Variants in KLHL2 observed in about 807,000 individuals in gnomAD.
The protein encoded by KLHL2 is kelch like family member 2.
Under a neutral mutation model 75.8 loss-of-function variants are expected in KLHL2, and 15 were observed. That is an observed-to-expected ratio of 0.20 (90% CI 0.13 to 0.30). KLHL2 has a LOEUF of 0.30. KLHL2 is among the 10% of genes least tolerant of loss of function. The pLI is 1.00. For missense variants in KLHL2, 381 were observed against 741.0 expected (o/e 0.51, Z 5.64); for synonymous variants, 214 against 251.9 (o/e 0.85, Z 1.42).
At chr4:165,264,752 A>ATATATATATATATATATATATATATATG (rs1560784279) in intron 5 of KLHL2, among the ~76,000 whole-genome samples, 16 of 83,626 alleles carry the variant, frequency 1.9e-4, no homozygotes, top group Non-Finnish European at 3.8e-4. Context: ...ATATATATAT[A>ATATATATATATATATATATATATATATG]TATATATATA....
At chr4:165,262,022 C>T (rs1579066208) in intron 4 of KLHL2, among the ~76,000 whole-genome samples, 1 of 151,978 alleles carries the variant, frequency 6.6e-6, no homozygotes, top group Non-Finnish European at 1.5e-5. Context: ...CACCAGAATT[C>T]GATAACCTTT....
chr4:165,299,674 T>A lies in KLHL2; in HGVS notation c.921+18T>A. On this transcript the variant is annotated intron_variant, in intron 8 of 14. Coordinates refer to ENST00000226725, the MANE Select transcript of KLHL2 (RefSeq NM_007246.4). The stretch of plus-strand genomic sequence containing the variant: ...TTCCCAAAGTAGGATCTGTTTCTCA[T>A]GCTTGTTATTACCTCATGCAAAAGG... 6.3e-7 allele frequency: 1 copy of A among 1,581,508 alleles called. No individual in the cohort carries two copies. The highest frequency in any genetic ancestry group is 8.6e-7 in the Non-Finnish European group (1 of 1,165,130).
At chr4:165,293,499 CT>C (rs559134623) in intron 5 of KLHL2, among the ~76,000 whole-genome samples, 307 of 142,734 alleles carry the variant, frequency 2.2e-3, no homozygotes, top group African/African-American at 2.0e-3. Flanking sequence ...TTCTGTCTCT[CT>C]TTTTTTTTTT....
intron 5 of KLHL2, among the ~76,000 whole-genome samples, chr4:165,273,751 G>T (rs970005087): frequency 6.6e-6 from 1 of 152,198 alleles, no homozygotes; most frequent in Admixed American, 6.5e-5. Flanking sequence ...AAATTGCCTA[G>T]TCTTGCATAT....
intron 5 of KLHL2, among the ~76,000 whole-genome samples, chr4:165,281,378 C>T (rs528025405): frequency 1.3e-5 from 2 of 148,570 alleles, no homozygotes; most frequent in African/African-American, 2.5e-5. Flanking sequence ...TGCAGTGGTG[C>T]GATCTCGGCT....
chr4:165,317,214 TAA>T (rs35042533), intron 13 of KLHL2, among the ~76,000 whole-genome samples: 1 of 143,290 alleles, frequency 7.0e-6, no homozygotes, highest in Non-Finnish European at 1.5e-5. Context: ...GACTTTTTAT[TAA>T]AAAAAAAAAA....
intron 5 of KLHL2, among the ~76,000 whole-genome samples, chr4:165,264,585 C>CATATATATATAT (rs55960426): frequency 1.9e-4 from 24 of 129,394 alleles, no homozygotes; most frequent in African/African-American, 7.1e-4. Flanking sequence ...AGTATTCCAT[C>CATATATATATAT]ATATATATAT....
chr4:165,261,962 C>T (rs919469213), intron 4 of KLHL2, among the ~76,000 whole-genome samples: 7 of 151,914 alleles, frequency 4.6e-5, no homozygotes, highest in African/African-American at 4.8e-5. Flanking sequence ...TACCATTGTT[C>T]GAATAGTTGA....
In KLHL2 at chr4:165,224,461, TTC is replaced by T. The variant is rs372152208; in HGVS notation, c.153-4345_153-4344del. On this transcript the variant is annotated intron_variant, in intron 2 of 14. Coordinates refer to ENST00000226725, the MANE Select transcript of KLHL2 (RefSeq NM_007246.4). ...CAACCCATAAATATTGAGTTGTTCG[TTC>T]ATAACAGCAGTTCTTAACATTCCAG... is the stretch of plus-strand genomic sequence containing the variant. Among the ~76,000 whole-genome samples, 99 of 152,360 alleles carry T rather than the reference TTC, an allele frequency of 6.5e-4. No individual in the cohort carries two copies. In the East Asian group the frequency reaches 0.018, roughly 28 times the overall value.
intron 13 of KLHL2, among the ~76,000 whole-genome samples, chr4:165,316,683 C>G (rs1259668898): frequency 6.6e-6 from 1 of 152,210 alleles, no homozygotes; most frequent in East Asian, 1.9e-4. Flanking sequence ...ATTCAAAACA[C>G]TGTTCAGGGG....
At chr4:165,291,382 G>A (rs1051510112) in intron 5 of KLHL2, among the ~76,000 whole-genome samples, 8 of 151,870 alleles carry the variant, frequency 5.3e-5, no homozygotes, top group Non-Finnish European at 2.9e-5. Flanking sequence ...TACTTTTGAT[G>A]TTGTATCTAA....
chr4:165,264,767 A>ATAG (rs1742109332), intron 5 of KLHL2, among the ~76,000 whole-genome samples: 1 of 72,038 alleles, frequency 1.4e-5, no homozygotes, highest in Non-Finnish European at 2.5e-5. Context: ...TATATATATA[A>ATAG]AACATTATCC....
At chr4:165,310,036 T>C (rs1746028229) in intron 9 of KLHL2, among the ~76,000 whole-genome samples, 2 of 152,192 alleles carry the variant, frequency 1.3e-5, no homozygotes, top group Admixed American at 1.3e-4. Flanking sequence ...CATTGCATTT[T>C]TTAATAACCT....
At chr4:165,246,214 G>A (rs1421942725) in intron 4 of KLHL2, among the ~76,000 whole-genome samples, 4 of 152,136 alleles carry the variant, frequency 2.6e-5, no homozygotes, top group African/African-American at 9.7e-5. Flanking sequence ...TAAGTTTGGC[G>A]TGTTTTATGG....
At chr4:165,216,158 T>A (rs1367577401) in intron 1 of KLHL2, among the ~76,000 whole-genome samples, 1 of 152,122 alleles carries the variant, frequency 6.6e-6, no homozygotes, top group Non-Finnish European at 1.5e-5. Flanking sequence ...CCTGTTAGAG[T>A]CTTTGTTTTC....
intron 8 of KLHL2, 27 bp downstream of exon 8, chr4:165,299,683 T>C (rs769480811): frequency 1.3e-6 from 2 of 1,563,106 alleles, no homozygotes; most frequent in East Asian, 4.6e-5. Flanking sequence ...ATGCTTGTTA[T>C]TACCTCATGC....
chr4:165,217,239 G>A (rs1186165597), intron 1 of KLHL2, among the ~76,000 whole-genome samples: 1 of 152,184 alleles, frequency 6.6e-6, no homozygotes, highest in Non-Finnish European at 1.5e-5. Flanking sequence ...GACATGCAGT[G>A]TTACATGGTT....
chr4:165,208,000 G>C lies in KLHL2; in HGVS notation c.26+98G>C. ...GCGCAGCTCTGGGGACAGCCGCCGGGGCCGGCGGGAGGTGGGAGATGCGGG... is the reference window on the plus strand; with the variant it reads ...GCGCAGCTCTGGGGACAGCCGCCGGCGCCGGCGGGAGGTGGGAGATGCGGG... On this transcript the variant is annotated intron_variant, in intron 1 of 14. Coordinates refer to ENST00000226725, the MANE Select transcript of KLHL2 (RefSeq NM_007246.4). The surrounding 1 kb of genome is among the most constrained non-coding windows in gnomAD (Gnocchi z 4.2). 1 of 874,148 alleles carries C rather than the reference G, an allele frequency of 1.1e-6. No homozygotes were observed. Among genetic ancestry groups the C allele is most frequent in the Non-Finnish European group, 1.5e-6 (1 of 673,966 alleles). 54.1% of individuals were successfully genotyped at this position (874,148 alleles called of 1,614,324 possible).
intron 3 of KLHL2, among the ~76,000 whole-genome samples, chr4:165,237,781 G>C (rs1324277909): frequency 6.6e-6 from 1 of 152,090 alleles, no homozygotes; most frequent in African/African-American, 2.4e-5. Flanking sequence ...GAATTCTAGA[G>C]CCAAATCTTT....
Sources: allele counts gnomAD v4.1 joint callset (sites outside exome capture counted in the v4.1 genomes callset), GRCh38; gene constraint gnomAD v4.1.1; non-coding constraint Gnocchi (gnomAD v3.1); transcripts MANE v1.5; gene names NCBI Gene and HGNC (gene_info 2026-07-23, HGNC 2026-07-21).